The following NRG3 variants were observed in gnomAD, a reference collection of about 807,000 sequenced individuals.
NRG3 encodes the protein pro-neuregulin-3, membrane-bound isoform.
A neutral mutation model predicts 66.9 loss-of-function variants in NRG3; 31 were observed. That is an observed-to-expected ratio of 0.46 (90% confidence interval 0.35 to 0.63). The LOEUF (loss-of-function observed/expected upper bound fraction) is 0.63. NRG3 is among the 20% of genes least tolerant of loss of function. NRG3 has a pLI of 0.00. For synonymous variants in NRG3, 393 were observed against 359.4 expected (o/e 1.09, Z -1.06); for missense variants, 910 against 878.9 (o/e 1.04, Z -0.45).
chr10:82,595,393 T>G (rs1183776753), intron 2 of NRG3, among the ~76,000 whole-genome samples: 2 of 152,202 alleles, frequency 1.3e-5, no homozygotes, highest in African/African-American at 4.8e-5. Context: ...TTCAATAGTT[T>G]TGATACTTAG....
intron 1 of NRG3, among the ~76,000 whole-genome samples, chr10:82,161,745 T>G (rs1268524460): frequency 6.6e-6 from 1 of 152,054 alleles, no homozygotes; most frequent in Non-Finnish European, 1.5e-5. Flanking sequence ...ATCTGAATAA[T>G]GATCCCTACA....
At chr10:82,955,173 A>G (rs1183783737) in intron 5 of NRG3, 1 of 151,864 alleles carries the variant, frequency 6.6e-6, no homozygotes, top group African/African-American at 2.4e-5. Flanking sequence ...CACCTTTGGC[A>G]TGGCATGACT....
In NRG3 at chr10:81,923,721, C is replaced by T. The variant is rs78391493; in HGVS notation, c.823+47558C>T. Among the ~76,000 whole-genome samples, 52 of 27,404 alleles carry T rather than the reference C, an allele frequency of 1.9e-3. 1 individual carries two copies. The East Asian group carries it at 0.045, about 24-fold the overall frequency. 18.0% of individuals were successfully genotyped at this position (27,404 alleles called of 152,430 possible). On this transcript the variant is annotated intron_variant, in intron 1 of 8. Transcript: ENST00000372141. ...GAGAATGCTGTTTCTCTTAAGCCTT[C>T]CACAAATTCCCCCTTGTTTTATCTT...
chr10:82,418,386 G>GTTTATGCAAATGTTTATGCAAATTAACCA (rs2088759080), intron 2 of NRG3, among the ~76,000 whole-genome samples: 1 of 145,602 alleles, frequency 6.9e-6, no homozygotes, highest in South Asian at 2.1e-4. Flanking sequence ...AAATTAACCA[G>GTTTATGCAAATGTTTATGCAAATTAACCA]TTTATGCAAA....
intron 2 of NRG3, among the ~76,000 whole-genome samples, chr10:82,642,395 A>G (rs2050645425): frequency 6.6e-6 from 1 of 152,096 alleles, no homozygotes; most frequent in Admixed American, 6.6e-5. Flanking sequence ...AGCTGTTAAC[A>G]TCAATAAAAC....
intron 4 of NRG3, among the ~76,000 whole-genome samples, chr10:82,893,850 A>G (rs969654882): frequency 1.3e-5 from 2 of 152,220 alleles, no homozygotes; most frequent in African/African-American, 4.8e-5. Flanking sequence ...AAGTTAGAAA[A>G]AATGAATCAT....
At chr10:82,515,322 G>T (rs1476316518) in intron 2 of NRG3, among the ~76,000 whole-genome samples, 1 of 152,136 alleles carries the variant, frequency 6.6e-6, no homozygotes, top group Admixed American at 6.6e-5. Context: ...TTGAGCCAAT[G>T]AGTAATTTAC....
At chr10:81,961,017 C>T (rs997938030) in intron 1 of NRG3, among the ~76,000 whole-genome samples, 13 of 152,210 alleles carry the variant, frequency 8.5e-5, no homozygotes, top group African/African-American at 2.4e-4. Context: ...ATGTGGGGAC[C>T]TCATGTTTGG....
intron 3 of NRG3, among the ~76,000 whole-genome samples, chr10:82,773,499 A>G (rs1461634549): frequency 6.6e-6 from 1 of 152,156 alleles, no homozygotes; most frequent in African/African-American, 2.4e-5. Context: ...CTTATCAGAT[A>G]TATAGCTTGC....
chr10:82,552,459 TAA>T (rs2044375345), intron 2 of NRG3, among the ~76,000 whole-genome samples: 1 of 152,196 alleles, frequency 6.6e-6, no homozygotes, highest in Non-Finnish European at 1.5e-5. Context: ...ATTTTCTATT[TAA>T]AAAATGCTGA....
chr10:82,950,258 A>G (rs922911387), intron 4 of NRG3, among the ~76,000 whole-genome samples: 1 of 152,178 alleles, frequency 6.6e-6, no homozygotes, highest in East Asian at 1.9e-4. Flanking sequence ...TAGAATATAT[A>G]TGTGTTAAAT....
At chr10:82,503,184 G>A (rs998800842) in intron 2 of NRG3, among the ~76,000 whole-genome samples, 1 of 152,058 alleles carries the variant, frequency 6.6e-6, no homozygotes, top group Non-Finnish European at 1.5e-5. Flanking sequence ...AGAAGCGAAG[G>A]GAAGATTGAA....
At chr10:82,682,435 A>AGATAGATAGATG (rs1554996026) in intron 2 of NRG3, among the ~76,000 whole-genome samples, 3 of 151,560 alleles carry the variant, frequency 2.0e-5, no homozygotes, top group African/African-American at 7.3e-5. Flanking sequence ...ATAGATAGAT[A>AGATAGATAGATG]GATAATAGAT....
chr10:82,856,398 G>A (rs2063803572), intron 3 of NRG3, among the ~76,000 whole-genome samples: 1 of 151,890 alleles, frequency 6.6e-6, no homozygotes, highest in South Asian at 2.1e-4. Flanking sequence ...TTTTTTAATT[G>A]TTAAATGGGG....
At chr10:82,798,995 G>A (rs2060916134) in intron 3 of NRG3, among the ~76,000 whole-genome samples, 1 of 152,062 alleles carries the variant, frequency 6.6e-6, no homozygotes, top group Non-Finnish European at 1.5e-5. Flanking sequence ...TAGGATAATT[G>A]GATGTCAGTC....
intron 3 of NRG3, among the ~76,000 whole-genome samples, chr10:82,854,791 T>C (rs2063726772): frequency 6.6e-6 from 1 of 152,230 alleles, no homozygotes; most frequent in Non-Finnish European, 1.5e-5. Flanking sequence ...TACCTCCTCC[T>C]GGTTAGGGTC....
chr10:82,161,045 A>G (rs937491964), intron 1 of NRG3, among the ~76,000 whole-genome samples: 4 of 152,156 alleles, frequency 2.6e-5, no homozygotes, highest in Non-Finnish European at 5.9e-5. Flanking sequence ...GTGAATTGGC[A>G]TGCTATTTCC....
At chr10:82,740,965 ATGT>A (rs1433715738) in intron 3 of NRG3, among the ~76,000 whole-genome samples, 3 of 152,116 alleles carry the variant, frequency 2.0e-5, no homozygotes, top group Non-Finnish European at 2.9e-5. Flanking sequence ...ATACACTAAA[ATGT>A]TGTAAGGACG....
chr10:82,048,814 G>C (rs1389240495), intron 1 of NRG3, among the ~76,000 whole-genome samples: 28 of 151,360 alleles, frequency 1.8e-4, no homozygotes, highest in South Asian at 4.2e-4. Flanking sequence ...TCCAGGAGCT[G>C]GTTTTTTGAA....
Sources: gnomAD v4.1 joint callset for allele counts (sites outside exome capture counted in the v4.1 genomes callset) on GRCh38, gnomAD v4.1.1 for gene constraint, MANE v1.5 for transcripts, NCBI Gene and HGNC (gene_info 2026-07-23, HGNC 2026-07-21) for gene names.